The following AXDND1 variants were observed in gnomAD, a reference collection of about 807,000 sequenced individuals.
The protein encoded by AXDND1 is axonemal dynein light chain domain containing 1, also known as axonemal dynein light chain domain-containing protein 1.
A neutral mutation model predicts 137.5 loss-of-function variants in AXDND1; 110 were observed. The ratio of observed to expected loss-of-function variants is 0.80; its 90% confidence interval spans 0.69 to 0.94. AXDND1 has a LOEUF of 0.94. AXDND1 is among the 40% of genes least tolerant of loss of function. AXDND1 has a pLI of 0.00. For synonymous variants in AXDND1, 414 were observed against 399.7 expected, an observed-to-expected ratio of 1.04 and a Z score of -0.43; for missense variants, 1,191 against 1,169.8, an observed-to-expected ratio of 1.02 and a Z score of -0.26.
chr1:179,427,687 C>G (rs7551894), intron 12 of AXDND1, among the ~76,000 whole-genome samples: 44,693 of 152,104 alleles, frequency 0.29, 6,785 homozygotes, highest in Non-Finnish European at 0.31. Flanking sequence ...TTATTACTAT[C>G]TGTCAGATAT....
At chr1:179,455,511 G>C (rs188725555) in intron 16 of AXDND1, 2 of 148,582 alleles carry the variant, frequency 1.3e-5, no homozygotes, top group African/African-American at 4.9e-5. Context: ...GGAGAATGGC[G>C]TGAAGCCGGG....
At chr1:179,506,012 G>C (rs1228480293) in intron 20 of AXDND1, among the ~76,000 whole-genome samples, 1 of 152,184 alleles carries the variant, frequency 6.6e-6, no homozygotes, top group Non-Finnish European at 1.5e-5. Context: ...AGAATTCCTT[G>C]TTATAAGGCT....
At chr1:179,503,692 C>A (rs985393331) in intron 20 of AXDND1, among the ~76,000 whole-genome samples, 2 of 151,976 alleles carry the variant, frequency 1.3e-5, no homozygotes, top group African/African-American at 2.4e-5. Context: ...TTCCTAATGC[C>A]ATCCCTCCCC....
At chr1:179,503,269 G>C (rs1040630263) in intron 20 of AXDND1, among the ~76,000 whole-genome samples, 7 of 151,874 alleles carry the variant, frequency 4.6e-5, no homozygotes, top group African/African-American at 1.5e-4. Flanking sequence ...ATGTCTCTCT[G>C]TATGTATGAC....
rs2125684116 is a variant in AXDND1 at position 179,524,711 on chromosome 1, T to G, written c.2497-623T>G. The stretch of plus-strand genomic sequence containing the variant: ...CTCTTAAATCCTCCTTTTCCTTCTC[T>G]TCATTCCCGCAGCCACTGTTTTGTT... On this transcript the variant is annotated intron_variant, in intron 21 of 25. Transcript: ENST00000367618. Among the ~76,000 whole-genome samples the G allele has an allele frequency of 2.0e-5, 3 of 152,306 alleles. No homozygotes were observed. In the South Asian group the frequency reaches 6.2e-4, roughly 32 times the overall value.
At chr1:179,529,825 G>T (rs1259355294) in intron 23 of AXDND1, among the ~76,000 whole-genome samples, 1 of 152,126 alleles carries the variant, frequency 6.6e-6, no homozygotes, top group Non-Finnish European at 1.5e-5. Flanking sequence ...TCCTGGCCAG[G>T]CAGCGGCTAT....
At chr1:179,488,580 TTC>T (rs774367644) in intron 18 of AXDND1, among the ~76,000 whole-genome samples, 2 of 139,616 alleles carry the variant, frequency 1.4e-5, no homozygotes, top group Non-Finnish European at 1.5e-5. Context: ...CTATCTTTCT[TTC>T]TCTCTCTCTT....
chr1:179,511,393 GGTGTGT>G (rs59772845), intron 21 of AXDND1, among the ~76,000 whole-genome samples: 45 of 145,120 alleles, frequency 3.1e-4, no homozygotes, highest in Admixed American at 1.4e-3. Flanking sequence ...TGGTATATGG[GGTGTGT>G]GTGTGTGTGT....
At chr1:179,383,348 A>C (rs1571571632) in intron 7 of AXDND1, 94 bp from the exon 8 acceptor site, 2 of 888,976 alleles carry the variant, frequency 2.2e-6, no homozygotes, top group East Asian at 5.3e-5. Flanking sequence ...CAGAGAGCAT[A>C]TATATTCTCT....
chr1:179,449,195 T>G (rs1483361332), intron 16 of AXDND1: 1 of 447,538 alleles, frequency 2.2e-6, no homozygotes, highest in Admixed American at 2.4e-5. Context: ...CTTGGGTTAA[T>G]TTTTATATAG....
rs773804954 is a variant in AXDND1 at position 179,468,483 on chromosome 1, C to G, written c.1839C>G (p.Asp613Glu). Residue 613 changes from aspartate (D) to glutamate (E), a missense_variant, in exon 17 of 26, where the codon GAC (aspartate) becomes GAG (glutamate). Asp to Glu is a conservative substitution (Grantham distance 45). Coordinates refer to ENST00000367618, the MANE Select transcript of AXDND1 (RefSeq NM_144696.6). ...KILPSLISSL[D>E]FCSFKLENLE... ...TTCCAAGTTTGATTAGTTCTCTTGA[C>G]TTCTGTTCTTTCAAGTTGGAAAACC... The G allele has an allele frequency of 2.5e-6, 4 of 1,612,698 alleles. No individual in the cohort carries two copies. The highest frequency in any genetic ancestry group is 1.3e-5 in the African/African-American group (1 of 74,896).
chr1:179,368,122 A>G (rs760524011), intron 2 of AXDND1, among the ~76,000 whole-genome samples: 1 of 152,226 alleles, frequency 6.6e-6, no homozygotes, highest in Non-Finnish European at 1.5e-5. Context: ...GATTAAGAAG[A>G]ATAACAACTC....
At chr1:179,455,593 C>CAAAAAAAAAA (rs57868830) in intron 16 of AXDND1, 1 of 83,892 alleles carries the variant, frequency 1.2e-5, no homozygotes, top group African/African-American at 4.3e-5. Context: ...GACTCCGTCT[C>CAAAAAAAAAA]AAAAAAAAAA....
At position 179,533,858 on chromosome 1, in the gene AXDND1, C is replaced by T. The variant is rs1671264658; in HGVS notation, c.2779C>T (p.His927Tyr). The T allele has an allele frequency of 1.2e-6, 2 of 1,612,796 alleles. No homozygotes were observed. Among genetic ancestry groups the T allele is most frequent in the Non-Finnish European group, 1.7e-6 (2 of 1,179,160 alleles). Residue 927 changes from histidine (H) to tyrosine (Y), a missense_variant, in exon 24 of 26, where the codon CAT becomes TAT. Coordinates refer to ENST00000367618, the MANE Select transcript of AXDND1 (RefSeq NM_144696.6). ...KYLEAMAVIEHMQEKLLEVEN... is the reference protein window; with the variant it reads ...KYLEAMAVIEYMQEKLLEVEN... ...TCTTGAAGCAATGGCTGTAATTGAA[C>T]ATATGCAGGAGAAGTTACTGTAAGT...
At chr1:179,456,781 C>A (rs1487951457) in intron 16 of AXDND1, 4 of 784,386 alleles carry the variant, frequency 5.1e-6, no homozygotes, top group Non-Finnish European at 9.2e-6. Context: ...GAAGCCCTAG[C>A]CATCTCTTGG....
intron 15 of AXDND1, among the ~76,000 whole-genome samples, chr1:179,434,471 G>A (rs1233167939): frequency 3.9e-5 from 6 of 152,208 alleles, no homozygotes; most frequent in African/African-American, 1.2e-4. Flanking sequence ...CTGGCAAACC[G>A]AATCCAGCAG....
At chr1:179,427,671 A>T (rs1054416734) in intron 12 of AXDND1, among the ~76,000 whole-genome samples, 1 of 152,228 alleles carries the variant, frequency 6.6e-6, no homozygotes, top group Non-Finnish European at 1.5e-5. Context: ...GCAATTATTT[A>T]TTCAGTTATT....
intron 16 of AXDND1, chr1:179,453,237 C>T (rs943156930): frequency 6.6e-6 from 1 of 152,242 alleles, no homozygotes; most frequent in South Asian, 2.1e-4. Flanking sequence ...AGAGACCCCA[C>T]ACAGAGTCTC....
intron 4 of AXDND1, among the ~76,000 whole-genome samples, chr1:179,378,400 T>C (rs1162513848): frequency 2.0e-5 from 3 of 152,042 alleles, no homozygotes; most frequent in African/African-American, 7.2e-5. Flanking sequence ...AACCTCATAC[T>C]GAAGGAAAGG....
Sources: gnomAD v4.1 joint callset for allele counts (sites outside exome capture counted in the v4.1 genomes callset) on GRCh38, gnomAD v4.1.1 for gene constraint, MANE v1.5 for transcripts, NCBI Gene and HGNC (gene_info 2026-07-23, HGNC 2026-07-21) for gene names.